Variants in ATL2 observed in about 807,000 individuals in gnomAD.
The protein encoded by ATL2 is atlastin-2.
Under a neutral mutation model 73.9 loss-of-function variants are expected in ATL2, and 31 were observed. The ratio of observed to expected loss-of-function variants is 0.42; its 90% CI spans 0.32 to 0.57. The LOEUF is 0.57. Ranked by LOEUF, ATL2 falls within the 20% of genes least tolerant of loss-of-function variation. The pLI, the probability that ATL2 is intolerant of heterozygous loss-of-function variation, is 0.14. For synonymous variants in ATL2, 291 were observed against 237.5 expected (o/e 1.23, Z -2.07); for missense variants, 738 against 702.6 (o/e 1.05, Z -0.57).
intron 2 of ATL2, among the ~76,000 whole-genome samples, chr2:38,333,267 C>A (rs937553696): frequency 1.3e-5 from 2 of 152,028 alleles, no homozygotes; most frequent in Admixed American, 1.3e-4. Flanking sequence ...CCAGCCTGGG[C>A]AACAGAGCGA....
chr2:38,376,886 C>T (rs1218844439), intron 1 of ATL2, among the ~76,000 whole-genome samples: 1 of 150,480 alleles, frequency 6.6e-6, no homozygotes, highest in East Asian at 1.9e-4. Flanking sequence ...GGGGGCCGGG[C>T]CGGTCGCAGA....
chr2:38,307,589 C>T, intron 9 of ATL2, among the ~76,000 whole-genome samples: 1 of 152,048 alleles, frequency 6.6e-6, no homozygotes, highest in Middle Eastern at 3.2e-3. Flanking sequence ...CCTACAAGCA[C>T]AGGCAACCAA....
Position 38,365,134 on chromosome 2 carries a change from TACAC to T in ATL2, c.118+12005_118+12008del, listed in dbSNP as rs541325892. ...GGATAGCCAGTTAGCAAGGGAATCA[TACAC>T]ACACACACACACACACACACACACA... On this transcript the variant is annotated intron_variant, in intron 1 of 12. Transcript: ENST00000378954. 4.1e-3 allele frequency among the ~76,000 whole-genome samples: 541 copies of T among 132,718 alleles called. 8 individuals carry two copies. Among genetic ancestry groups the T allele is most frequent in the Middle Eastern group, 0.023 (6 of 262 alleles). 87.1% of individuals were successfully genotyped at this position (132,718 alleles called of 152,430 possible). A position where few individuals can be genotyped will look rare whatever the true frequency, so the allele number is the denominator to read the frequency against.
intron 2 of ATL2, among the ~76,000 whole-genome samples, chr2:38,341,012 A>C (rs574738519): frequency 1.3e-5 from 2 of 152,242 alleles, no homozygotes; most frequent in African/African-American, 4.8e-5. Context: ...GGGGGCTGCT[A>C]CTCCACTCTG....
intron 1 of ATL2, among the ~76,000 whole-genome samples, chr2:38,355,252 G>A (rs901184415): frequency 5.9e-5 from 9 of 151,996 alleles, no homozygotes; most frequent in Middle Eastern, 3.2e-3. Flanking sequence ...TCAGCCTCCC[G>A]AGTAGCTGAG....
intron 1 of ATL2, among the ~76,000 whole-genome samples, 182 bp downstream of exon 1, chr2:38,376,961 C>A (rs1672008927): frequency 1.3e-5 from 2 of 151,110 alleles, no homozygotes; most frequent in Admixed American, 1.3e-4. Flanking sequence ...CCTTTCAGGC[C>A]GCGCGCTGCG....
intron 1 of ATL2, among the ~76,000 whole-genome samples, chr2:38,348,759 T>C (rs1408204749): frequency 1.3e-5 from 2 of 151,784 alleles, no homozygotes; most frequent in East Asian, 3.9e-4. Context: ...GAGAAAATTT[T>C]CGCAACCTAC....
intron 2 of ATL2, among the ~76,000 whole-genome samples, chr2:38,320,180 T>A (rs1036660239): frequency 7.2e-5 from 11 of 152,224 alleles, no homozygotes; most frequent in Non-Finnish European, 1.5e-4. Context: ...AAACAAACCA[T>A]CTATTTAAAA....
At chr2:38,375,137 C>G (rs1410248459) in intron 1 of ATL2, among the ~76,000 whole-genome samples, 2 of 152,218 alleles carry the variant, frequency 1.3e-5, no homozygotes, top group African/African-American at 2.4e-5. Flanking sequence ...CTCCCTAACA[C>G]TAAACTACTC....
chr2:38,300,167 C>T, intron 10 of ATL2, 105 bp downstream of exon 10: 1 of 1,022,230 alleles, frequency 9.8e-7, no homozygotes, highest in Non-Finnish European at 1.5e-6. Context: ...TGTTTGCATG[C>T]AAAAAAGCAC....
At chr2:38,372,123 GTT>G (rs371482809) in intron 1 of ATL2, among the ~76,000 whole-genome samples, 9,528 of 125,126 alleles carry the variant, frequency 0.076, 794 homozygotes, top group African/African-American at 0.23. Flanking sequence ...CATGTTAATT[GTT>G]TTTTTTTTTT....
chr2:38,318,580 G>C lies in ATL2; in HGVS notation c.558C>G (p.Asp186Glu), dbSNP rs767320644. 4 of 1,612,764 alleles carry C rather than the reference G, an allele frequency of 2.5e-6. No individual in the cohort carries two copies. The African/African-American group carries it at 4.0e-5, about 16-fold the overall frequency. The change falls in exon 4 of 13, where the codon GAC becomes GAG. Residue 186 changes from aspartate to glutamate, a missense_variant. Asp to Glu is a conservative substitution (Grantham distance 45, BLOSUM62 2). Transcript: ENST00000378954. ...TGCTCAGAGCAAACACCGTTGCACA[G>C]TCTTTGATAGTTGACTGGCTATCAA... ...GAFDSQSTIK[D>E]CATVFALSTM...
intron 2 of ATL2, among the ~76,000 whole-genome samples, chr2:38,342,227 C>G (rs1669766183): frequency 1.3e-5 from 2 of 151,786 alleles, no homozygotes; most frequent in African/African-American, 4.8e-5. Context: ...AGAGATTCAT[C>G]AATTAAAATG....
upstream of ATL2, among the ~76,000 whole-genome samples, chr2:38,377,903 C>T (rs72789385): frequency 3.9e-5 from 6 of 152,218 alleles, no homozygotes; most frequent in Non-Finnish European, 7.4e-5. Context: ...TCCCCATCTA[C>T]TTATGAGACC....
At chr2:38,344,770 A>T (rs184339002) in intron 1 of ATL2, among the ~76,000 whole-genome samples, 145 of 152,352 alleles carry the variant, frequency 9.5e-4, no homozygotes, top group African/African-American at 3.3e-3. Context: ...AAAGCAAAGC[A>T]CAGGATTAAT....
At chr2:38,320,478 T>C (rs1262377841) in intron 2 of ATL2, among the ~76,000 whole-genome samples, 1 of 152,206 alleles carries the variant, frequency 6.6e-6, no homozygotes, top group Non-Finnish European at 1.5e-5. Flanking sequence ...TTTTAGGGTA[T>C]GTTTAAAATT....
At chr2:38,314,845 A>C (rs569847700) in intron 5 of ATL2, among the ~76,000 whole-genome samples, 181 bp from the exon 6 acceptor site, 1 of 152,366 alleles carries the variant, frequency 6.6e-6, no homozygotes, top group African/African-American at 2.4e-5. Context: ...GTCATACACC[A>C]GTTTAAACCC....
At chr2:38,367,263 C>T (rs538884533) in intron 1 of ATL2, among the ~76,000 whole-genome samples, 14 of 152,022 alleles carry the variant, frequency 9.2e-5, no homozygotes, top group African/African-American at 3.4e-4. Flanking sequence ...AACAGATGCC[C>T]ACTCTCCGAC....
chr2:38,368,225 C>T (rs956144100), intron 1 of ATL2, among the ~76,000 whole-genome samples: 2 of 151,494 alleles, frequency 1.3e-5, no homozygotes, highest in African/African-American at 4.9e-5. Flanking sequence ...TAAGCCACCG[C>T]ACCTGGACTC....
Sources: gnomAD v4.1 joint callset for allele counts (sites outside exome capture counted in the v4.1 genomes callset) on GRCh38, gnomAD v4.1.1 for gene constraint, MANE v1.5 for transcripts, NCBI Gene and HGNC (gene_info 2026-07-23, HGNC 2026-07-21) for gene names.